Variants in DCP2 observed in about 807,000 individuals in gnomAD.
The protein encoded by DCP2 is m7GpppN-mRNA hydrolase.
DCP2 carries 30 observed loss-of-function variants against 56.1 expected under a neutral mutation model. The observed-to-expected ratio is 0.53, with a 90% CI of 0.40 to 0.73. DCP2 has a LOEUF of 0.73. Ranked by LOEUF, DCP2 falls within the 30% of genes least tolerant of loss-of-function variation. The pLI is 0.00. For synonymous variants in DCP2, 197 were observed against 163.3 expected, an observed-to-expected ratio of 1.21 and a Z score of -1.57; for missense variants, 533 against 502.7, an observed-to-expected ratio of 1.06 and a Z score of -0.58.
intron 7 of DCP2, among the ~76,000 whole-genome samples, chr5:113,002,776 G>C (rs1336942207): frequency 1.3e-5 from 2 of 152,158 alleles, no homozygotes; most frequent in Non-Finnish European, 2.9e-5. Flanking sequence ...TCCTGCCTCA[G>C]CTTCCCAAAG....
chr5:113,002,680 T>G (rs1749235043), intron 7 of DCP2, among the ~76,000 whole-genome samples: 1 of 151,982 alleles, frequency 6.6e-6, no homozygotes, highest in Non-Finnish European at 1.5e-5. Flanking sequence ...CCACTAAGCC[T>G]GGCTAATTTT....
chr5:112,998,610 C>G (rs1356689746), intron 4 of DCP2, among the ~76,000 whole-genome samples: 2 of 152,172 alleles, frequency 1.3e-5, no homozygotes, highest in Non-Finnish European at 2.9e-5. Flanking sequence ...GCACTAAGAA[C>G]TAAACATAGC....
Position 113,001,308 on chromosome 5 carries a change from G to A in DCP2, c.586-49G>A, listed in dbSNP as rs202191634. 2.9e-5 allele frequency: 46 copies of A among 1,595,362 alleles called. No homozygotes were observed. In the East Asian group the frequency reaches 1.0e-3, roughly 35 times the overall value. ...AATAAGTAGGGAAATCCTTTTATAA[G>A]CTCCTTGATAAAAATTAACTAAATG... is the stretch of plus-strand genomic sequence containing the variant. On this transcript the variant is annotated intron_variant, in intron 5 of 10. Transcript: ENST00000389063.
chr5:112,992,844 C>A, intron 4 of DCP2, 74 bp downstream of exon 4: 1 of 1,164,912 alleles, frequency 8.6e-7, no homozygotes, highest in East Asian at 2.8e-5. Flanking sequence ...GCCATATAGA[C>A]TTACTTCTTT....
At chr5:113,000,385 A>G (rs541516456) in intron 4 of DCP2, among the ~76,000 whole-genome samples, 1 of 140,442 alleles carries the variant, frequency 7.1e-6, no homozygotes, top group East Asian at 2.1e-4. Context: ...TTTGAAGTGC[A>G]ATTACTTGTC....
intron 1 of DCP2, chr5:112,984,703 A>AAAAAAAATATATATATATAT: frequency 1.5e-5 from 1 of 64,858 alleles, no homozygotes; most frequent in African/African-American, 7.9e-5. Flanking sequence ...AAAAAAAAAA[A>AAAAAAAATATATATATATAT]ATATATATAT....
At chr5:112,991,855 G>T (rs1392345834) in intron 2 of DCP2, among the ~76,000 whole-genome samples, 1 of 152,180 alleles carries the variant, frequency 6.6e-6, no homozygotes, top group Non-Finnish European at 1.5e-5. Flanking sequence ...CTTGATTTGT[G>T]TGTAGGCTAC....
Position 112,990,307 on chromosome 5 carries a change from A to C in DCP2, c.206-1814A>C, listed in dbSNP as rs369198652. 1.3e-3 allele frequency among the ~76,000 whole-genome samples: 200 copies of C among 152,250 alleles called. 1 individual carries two copies. The highest frequency in any genetic ancestry group is 4.7e-3 in the African/African-American group (196 of 41,552). Reference sequence around the variant, plus strand: ...CTTGGGTAAATTGTGGAACTTGTCTATGCCTCTGTTTTCTCTTTTGTAAAT... The same window carrying C: ...CTTGGGTAAATTGTGGAACTTGTCTCTGCCTCTGTTTTCTCTTTTGTAAAT... On this transcript the variant is annotated intron_variant, in intron 2 of 10. Coordinates refer to ENST00000389063, the MANE Select transcript of DCP2 (RefSeq NM_152624.6).
In DCP2 at chr5:113,007,948, T is replaced by G. The variant is rs1458671269; in HGVS notation, c.953T>G (p.Met318Arg). 1 of 1,613,490 alleles carries G rather than the reference T, an allele frequency of 6.2e-7. No homozygotes were observed. ...SDLLKGKNQS[M>R]RGNGRKQYQD... ...TTTTTGGGAAAACAGAATCAAAGTA[T>G]GAGGGGAAATGGCAGAAAACAGTAT... The change falls in exon 9 of 11, where the codon ATG becomes AGG. Residue 318 changes from methionine (M) to arginine (R), a missense_variant. This residue lies in a region of DCP2 where 392 missense variants were observed against 346.6 expected (regional missense o/e 1.13). Transcript: ENST00000389063.
chr5:112,982,661 C>T (rs553840399), intron 1 of DCP2, among the ~76,000 whole-genome samples: 5 of 151,714 alleles, frequency 3.3e-5, no homozygotes, highest in African/African-American at 1.2e-4. Flanking sequence ...GTTTTTTTTC[C>T]CCCCGAGGGC....
At position 112,992,742 on chromosome 5, in the gene DCP2, A is replaced by C; in HGVS notation, c.404A>C (p.Glu135Ala). ...GFPKGKVNKE[E>A]APHDCAAREV... Reference sequence around the variant, plus strand: ...CCAAAAGGAAAAGTAAATAAAGAAGAAGCTCCTCATGATTGTGCTGCTAGA... The same window carrying C: ...CCAAAAGGAAAAGTAAATAAAGAAGCAGCTCCTCATGATTGTGCTGCTAGA... Residue 135 changes from glutamate (E) to alanine (A), a missense_variant, in exon 4 of 11, where the codon GAA becomes GCA. Glu to Ala is a moderately radical substitution (Grantham distance 107). Coordinates refer to ENST00000389063, the MANE Select transcript of DCP2 (RefSeq NM_152624.6). 1 of 1,590,844 alleles carries C rather than the reference A, an allele frequency of 6.3e-7. No individual in the cohort carries two copies. The highest frequency in any genetic ancestry group is 1.4e-5 in the African/African-American group (1 of 73,132).
intron 2 of DCP2, among the ~76,000 whole-genome samples, chr5:112,988,271 A>G (rs1399725242): frequency 6.6e-6 from 1 of 151,404 alleles, no homozygotes; most frequent in East Asian, 1.9e-4. Context: ...TCACTAAGTC[A>G]GGAGATCGAG....
intron 4 of DCP2, among the ~76,000 whole-genome samples, chr5:112,996,482 C>G (rs1352447769): frequency 6.6e-6 from 1 of 152,070 alleles, no homozygotes; most frequent in Non-Finnish European, 1.5e-5. Context: ...TTGCTAATAG[C>G]ATTTTTATTT....
intron 2 of DCP2, among the ~76,000 whole-genome samples, chr5:112,986,552 G>C (rs894758219): frequency 2.6e-5 from 4 of 151,846 alleles, no homozygotes; most frequent in Non-Finnish European, 5.9e-5. Flanking sequence ...TGCTGAGGCT[G>C]GTCTTGAACT....
At chr5:113,010,869 CTT>C (rs1418014891) in intron 10 of DCP2, 62 bp downstream of exon 10, 10 of 1,531,316 alleles carry the variant, frequency 6.5e-6, no homozygotes, top group African/African-American at 2.8e-5. Flanking sequence ...GTTTACCTAA[CTT>C]TGATTTTAGT....
chr5:112,988,903 G>A (rs1400331224), intron 2 of DCP2, among the ~76,000 whole-genome samples: 3 of 152,168 alleles, frequency 2.0e-5, no homozygotes, highest in Non-Finnish European at 4.4e-5. Flanking sequence ...AACATTTTGT[G>A]TGTGTTTGCA....
chr5:112,995,922 C>T (rs1748825480), intron 4 of DCP2, among the ~76,000 whole-genome samples: 1 of 152,168 alleles, frequency 6.6e-6, no homozygotes, highest in South Asian at 2.1e-4. Flanking sequence ...AGATTAACAC[C>T]TTGCTGAGCA....
Position 113,013,509 on chromosome 5 carries a change from C to T in DCP2, c.*25C>T, listed in dbSNP as rs753629894. On this transcript the variant is annotated 3_prime_UTR_variant, in exon 11 of 11. Transcript: ENST00000389063. ...ATAGCAGCACATGTATTGTAAATGT[C>T]CCAGGATCAGAGACCTGTTGAATTT... 6.2e-7 allele frequency: 1 copy of T among 1,611,884 alleles called. No individual in the cohort carries two copies. The highest frequency in any genetic ancestry group is 2.2e-5 in the East Asian group (1 of 44,854).
At chr5:113,012,551 CT>C (rs1170851636) in intron 10 of DCP2, among the ~76,000 whole-genome samples, 1 of 152,060 alleles carries the variant, frequency 6.6e-6, no homozygotes, top group African/African-American at 2.4e-5. Context: ...AGTCCCTGAT[CT>C]GTTTAAAAGG....
Sources: gnomAD v4.1 joint callset for allele counts (sites outside exome capture counted in the v4.1 genomes callset) on GRCh38, gnomAD v4.1.1 for gene constraint, gnomAD v4.1.1 regional missense constraint, MANE v1.5 for transcripts, NCBI Gene and HGNC (gene_info 2026-07-23, HGNC 2026-07-21) for gene names.